The following AFAP1 variants were observed in gnomAD, a reference collection of about 807,000 sequenced individuals.
AFAP1 encodes the protein actin filament-associated protein 1.
AFAP1 carries 75 observed loss-of-function variants against 93.9 expected under a neutral mutation model. The ratio of observed to expected loss-of-function variants is 0.80; its 90% CI spans 0.66 to 0.97. The LOEUF is 0.97. Ranked by LOEUF, AFAP1 falls within the 50% of genes least tolerant of loss-of-function variation. The pLI is 0.00. For synonymous variants in AFAP1, 517 were observed against 430.7 expected (o/e 1.20, Z -2.48); for missense variants, 1,201 against 1,050.8 (o/e 1.14, Z -1.98).
intron 3 of AFAP1, among the ~76,000 whole-genome samples, chr4:7,857,544 C>G (rs1487115749): frequency 6.6e-6 from 1 of 152,172 alleles, no homozygotes; most frequent in African/African-American, 2.4e-5. Context: ...TGGCGTTAGG[C>G]TGGACCATCT....
rs369700841 is a variant in AFAP1 at position 7,820,591 on chromosome 4, C to T, written c.727-1420G>A. Among the ~76,000 whole-genome samples, 32 of 152,160 alleles carry T rather than the reference C, an allele frequency of 2.1e-4. 1 individual carries two copies. The South Asian group carries it at 5.2e-3, about 25-fold the overall frequency. On this transcript the variant is annotated intron_variant, in intron 6 of 17. Coordinates refer to ENST00000420658, the MANE Select transcript of AFAP1 (RefSeq NM_001134647.2). ...CAAGGAGAGGGAGAAGAGAGCTCCA[C>T]GGAGGGAGATGAGCCGAGAGAGAGA...
At chr4:7,898,973 T>A (rs1045061460) in intron 1 of AFAP1, among the ~76,000 whole-genome samples, 3 of 150,332 alleles carry the variant, frequency 2.0e-5, no homozygotes, top group African/African-American at 7.3e-5. Flanking sequence ...CATTTGTGTA[T>A]ATACAATGGT....
At chr4:7,862,976 T>TG (rs1715907670) in intron 3 of AFAP1, among the ~76,000 whole-genome samples, 2 of 152,172 alleles carry the variant, frequency 1.3e-5, no homozygotes, top group South Asian at 4.1e-4. Flanking sequence ...AGCTGGGCAG[T>TG]GGGTCACGGC....
In AFAP1 at chr4:7,843,174, T is replaced by G. The variant is rs1560193559; in HGVS notation, c.511A>C (p.Lys171Gln). Residue 171 changes from lysine (K) to glutamine (Q), a missense_variant, in exon 5 of 18, where the codon AAG becomes CAG. Physicochemically the swap from Lys to Gln is moderately conservative, Grantham distance 53. Coordinates refer to ENST00000420658, the MANE Select transcript of AFAP1 (RefSeq NM_001134647.2). The stretch of plus-strand genomic sequence containing the variant: ...GTGTCTTTGATGACGCAGAGCAACT[T>G]GGTCCACTGGCCGAACCGCTTCTTC... The part of the protein sequence containing the change: ...LRKKRFGQWT[K>Q]LLCVIKDTKL... The G allele has an allele frequency of 6.2e-7, 1 of 1,614,210 alleles. No homozygotes were observed. The highest frequency in any genetic ancestry group is 1.7e-4 in the Middle Eastern group (1 of 6,052).
At chr4:7,764,048 C>T (rs1342427513) in intron 17 of AFAP1, among the ~76,000 whole-genome samples, 1 of 152,214 alleles carries the variant, frequency 6.6e-6, no homozygotes, top group Non-Finnish European at 1.5e-5. Flanking sequence ...AGAGGAAACC[C>T]AGTGTCCACC....
chr4:7,878,282 G>A (rs573450696), intron 1 of AFAP1, among the ~76,000 whole-genome samples: 4 of 152,290 alleles, frequency 2.6e-5, no homozygotes, highest in Non-Finnish European at 4.4e-5. Context: ...GGACACCCAC[G>A]TCTCCTCTCC....
intron 10 of AFAP1, chr4:7,798,947 C>T (rs979962198): frequency 2.0e-6 from 2 of 986,840 alleles, no homozygotes; most frequent in Non-Finnish European, 2.4e-6. Flanking sequence ...CTCAGATCTG[C>T]TGTCAGAGCT....
In AFAP1 at chr4:7,772,935, C is replaced by A. The variant is rs569262471; in HGVS notation, c.2138G>T (p.Arg713Leu). ...EEECRQKEAE[R>L]VSLELELTEV... ...CGTCAGCTCCAGCTCCAGGCTGACA[C>A]GCTCCGCCTCCTTCTGCCGGCACTC... Residue 713 changes from arginine to leucine, a missense_variant, in exon 16 of 18, where the codon CGT becomes CTT. Physicochemically the swap from Arg to Leu is moderately radical, Grantham distance 102. Coordinates refer to ENST00000420658, the MANE Select transcript of AFAP1 (RefSeq NM_001134647.2). 2.5e-6 allele frequency: 4 copies of A among 1,613,940 alleles called. No homozygotes were observed. Among genetic ancestry groups the A allele is most frequent in the Non-Finnish European group, 3.4e-6 (4 of 1,180,018 alleles).
Position 7,812,793 on chromosome 4 carries a change from A to G in AFAP1, c.905-3030T>C, listed in dbSNP as rs117065385. Among the ~76,000 whole-genome samples the G allele has an allele frequency of 2.0e-5, 3 of 152,338 alleles. No homozygotes were observed. The East Asian group carries it at 5.8e-4, about 29-fold the overall frequency. ...GGAAACGGGAATTCAGGTGCTTTTT[A>G]GTATTATTATTTAGGCTACTGGGAG... On this transcript the variant is annotated intron_variant, in intron 8 of 17. Transcript: ENST00000420658.
chr4:7,920,793 A>G (rs145425497), intron 1 of AFAP1, among the ~76,000 whole-genome samples: 172 of 151,428 alleles, frequency 1.1e-3, no homozygotes, highest in African/African-American at 3.9e-3. Context: ...AAAAACAGAA[A>G]TGTATATTGT....
At chr4:7,873,816 T>C (rs1717285236) in intron 1 of AFAP1, among the ~76,000 whole-genome samples, 1 of 151,984 alleles carries the variant, frequency 6.6e-6, no homozygotes, top group East Asian at 1.9e-4. Flanking sequence ...CTGGAGAGAG[T>C]GAATGACAGG....
At chr4:7,880,631 C>T (rs1445438439) in intron 1 of AFAP1, among the ~76,000 whole-genome samples, 1 of 152,174 alleles carries the variant, frequency 6.6e-6, no homozygotes, top group African/African-American at 2.4e-5. Flanking sequence ...AGAAAGGCGG[C>T]CTGGAGTCAC....
chr4:7,938,706 A>G (rs1321599429), intron 1 of AFAP1, among the ~76,000 whole-genome samples: 1 of 152,078 alleles, frequency 6.6e-6, no homozygotes, highest in Non-Finnish European at 1.5e-5. Flanking sequence ...AGGCGCTGAG[A>G]GCTACAAAGT....
chr4:7,872,218 C>T, intron 1 of AFAP1, 138 bp from the exon 2 acceptor site: 2 of 1,086,672 alleles, frequency 1.8e-6, no homozygotes, highest in Non-Finnish European at 2.5e-6. Flanking sequence ...AACAAGTTTG[C>T]TGAAAGCAGG....
At chr4:7,849,198 G>A (rs973765813) in intron 4 of AFAP1, among the ~76,000 whole-genome samples, 19 of 152,144 alleles carry the variant, frequency 1.2e-4, no homozygotes, top group African/African-American at 3.1e-4. Flanking sequence ...CCCACCAGGC[G>A]TCTCTCTTGG....
chr4:7,776,101 C>G (rs934822296), intron 14 of AFAP1: 1 of 152,208 alleles, frequency 6.6e-6, no homozygotes, highest in Non-Finnish European at 1.5e-5. Flanking sequence ...TCAAAGCTTC[C>G]GTGGTCTCCC....
At chr4:7,780,644 T>TA (rs1716666418) in intron 13 of AFAP1, among the ~76,000 whole-genome samples, 1 of 92,302 alleles carries the variant, frequency 1.1e-5, no homozygotes, top group African/African-American at 6.3e-5. Flanking sequence ...AGACTTCATC[T>TA]TTTTTTTTTT....
At chr4:7,861,740 T>C (rs1030790275) in intron 3 of AFAP1, among the ~76,000 whole-genome samples, 1 of 152,222 alleles carries the variant, frequency 6.6e-6, no homozygotes, top group South Asian at 2.1e-4. Flanking sequence ...AAGATGCCAC[T>C]GGGATTATAC....
chr4:7,765,037 T>G (rs1315548318), intron 17 of AFAP1, among the ~76,000 whole-genome samples: 1 of 152,172 alleles, frequency 6.6e-6, no homozygotes, highest in Non-Finnish European at 1.5e-5. Flanking sequence ...GCCCAGGAGT[T>G]TGAGGCTGCA....
Sources: allele counts gnomAD v4.1 joint callset (sites outside exome capture counted in the v4.1 genomes callset), GRCh38; gene constraint gnomAD v4.1.1; transcripts MANE v1.5; gene names NCBI Gene and HGNC (gene_info 2026-07-23, HGNC 2026-07-21).